HEMK2: variants seen among roughly 807,000 people sequenced by gnomAD.
The protein encoded by HEMK2 is methyltransferase HEMK2.
chr21:28,669,717 G>A, the HEMK2 span, among the ~76,000 whole-genome samples: 1 of 152,180 alleles, frequency 6.6e-6, no homozygotes, highest in Admixed American at 6.5e-5. Context: ...TTTTAGCCAA[G>A]AGCAGTTAGA....
chr21:28,611,125 C>A, the HEMK2 span, among the ~76,000 whole-genome samples: 9 of 152,152 alleles, frequency 5.9e-5, no homozygotes, highest in Non-Finnish European at 1.2e-4. Context: ...ATGGAACATT[C>A]CCCAAGATAG....
At chr21:28,840,511 T>A in the HEMK2 span, among the ~76,000 whole-genome samples, 6 of 151,614 alleles carry the variant, frequency 4.0e-5, no homozygotes, top group African/African-American at 9.7e-5. Flanking sequence ...CTCAAATCAC[T>A]AAGAAAAACA....
chr21:28,727,651 T>C, the HEMK2 span, among the ~76,000 whole-genome samples: 1 of 152,208 alleles, frequency 6.6e-6, no homozygotes, highest in African/African-American at 2.4e-5. Context: ...AAGAAGTGCA[T>C]ATAATAGATT....
the HEMK2 span, among the ~76,000 whole-genome samples, chr21:28,705,431 A>G: frequency 6.6e-6 from 1 of 151,856 alleles, no homozygotes; most frequent in Admixed American, 6.6e-5. Context: ...AAAGACTTAG[A>G]AATAGGTTCC....
At chr21:28,576,788 G>A in the HEMK2 span, among the ~76,000 whole-genome samples, 2 of 152,088 alleles carry the variant, frequency 1.3e-5, no homozygotes, top group East Asian at 1.9e-4. Flanking sequence ...TCGGTTCACT[G>A]CAACCTCCAC....
At chr21:28,844,552 T>C in the HEMK2 span, among the ~76,000 whole-genome samples, 1 of 152,072 alleles carries the variant, frequency 6.6e-6, no homozygotes. Flanking sequence ...CATGTGAATA[T>C]CTTTCTATGG....
At chr21:28,877,389 G>C in the HEMK2 span, among the ~76,000 whole-genome samples, 1 of 88,448 alleles carries the variant, frequency 1.1e-5, no homozygotes, top group South Asian at 4.9e-4. Context: ...AAGAAAGAAG[G>C]AAGGAAGGGA....
the HEMK2 span, among the ~76,000 whole-genome samples, chr21:28,683,063 T>A: frequency 1.3e-5 from 2 of 151,192 alleles, no homozygotes; most frequent in African/African-American, 2.4e-5. Context: ...AATAAAAAAA[T>A]TAAATTAAAA....
At chr21:28,667,937 G>T in the HEMK2 span, among the ~76,000 whole-genome samples, 1 of 152,106 alleles carries the variant, frequency 6.6e-6, no homozygotes, top group Admixed American at 6.5e-5. Flanking sequence ...TATTTATTAA[G>T]TATTCATTGT....
At chr21:28,611,213 A>G in the HEMK2 span, among the ~76,000 whole-genome samples, 2 of 152,210 alleles carry the variant, frequency 1.3e-5, no homozygotes, top group Admixed American at 6.5e-5. Context: ...CTCAGACCAA[A>G]GTGGAATAAA....
At chr21:28,640,152 G>C in the HEMK2 span, among the ~76,000 whole-genome samples, 1 of 152,224 alleles carries the variant, frequency 6.6e-6, no homozygotes, top group African/African-American at 2.4e-5. Flanking sequence ...GCAAACCAGG[G>C]AATGGGGAGG....
At chr21:28,620,660 CTTTTTTTTTTTT>C in the HEMK2 span, among the ~76,000 whole-genome samples, 18 of 49,642 alleles carry the variant, frequency 3.6e-4, no homozygotes, top group African/African-American at 1.3e-3. Flanking sequence ...TCTCTCTTTT[CTTTTTTTTTTTT>C]TTTTTTTTTT....
At chr21:28,631,534 T>C in the HEMK2 span, among the ~76,000 whole-genome samples, 1 of 152,096 alleles carries the variant, frequency 6.6e-6, no homozygotes, top group Admixed American at 6.5e-5. Context: ...ATAACTAGCA[T>C]ACAATTTGCC....
At chr21:28,695,352 T>C in the HEMK2 span, among the ~76,000 whole-genome samples, 1 of 152,124 alleles carries the variant, frequency 6.6e-6, no homozygotes, top group South Asian at 2.1e-4. Flanking sequence ...CTCTCATAAA[T>C]GACTTGGTGT....
chr21:28,701,951 C>T, the HEMK2 span, among the ~76,000 whole-genome samples: 16,806 of 152,084 alleles, frequency 0.11, 1,162 homozygotes, highest in East Asian at 0.3. Context: ...TCTACAGTAA[C>T]CAAAACAGCA....
At chr21:28,860,758 A>G in the HEMK2 span, among the ~76,000 whole-genome samples, 10 of 152,306 alleles carry the variant, frequency 6.6e-5, no homozygotes, top group African/African-American at 2.2e-4. Context: ...AATGGATATT[A>G]AAAGTGTGGG....
the HEMK2 span, among the ~76,000 whole-genome samples, chr21:28,754,899 A>G: frequency 5.3e-5 from 8 of 152,236 alleles, no homozygotes; most frequent in East Asian, 1.5e-3. Flanking sequence ...ACTGTGATCC[A>G]GGCTTTAGAA....
the HEMK2 span, among the ~76,000 whole-genome samples, chr21:28,863,984 C>A: frequency 1.3e-5 from 2 of 152,002 alleles, no homozygotes; most frequent in Non-Finnish European, 2.9e-5. Context: ...TGTACCACCA[C>A]GCCTGGCTAA....
the HEMK2 span, among the ~76,000 whole-genome samples, chr21:28,694,804 C>G: frequency 6.6e-6 from 1 of 152,210 alleles, no homozygotes; most frequent in East Asian, 1.9e-4. Flanking sequence ...CAAGGCCATC[C>G]TAGCTAACAC....
Sources: gnomAD v4.1 joint callset for allele counts (sites outside exome capture counted in the v4.1 genomes callset) on GRCh38, gnomAD v4.1.1 for gene constraint, MANE v1.5 for transcripts, NCBI Gene and HGNC (gene_info 2026-07-23, HGNC 2026-07-21) for gene names.